Variants in NYAP2 observed in about 807,000 individuals in gnomAD.
The protein encoded by NYAP2 is neuronal tyrosine-phosphorylated phosphoinositide-3-kinase adaptor 2, also known as neuronal tyrosine-phosphorylated phosphoinositide-3-kinase adapter 2.
In NYAP2, 23 loss-of-function variants were observed where a neutral mutation model predicts 50.4. That is an observed-to-expected ratio of 0.46 (90% CI 0.33 to 0.65). NYAP2 has a LOEUF of 0.65. NYAP2 is among the 30% of genes least tolerant of loss of function. The pLI is 0.02. For missense variants in NYAP2, 885 were observed against 861.0 expected, an observed-to-expected ratio of 1.03 and a Z score of -0.35; for synonymous variants, 394 against 365.2, an observed-to-expected ratio of 1.08 and a Z score of -0.90.
chr2:225,590,715 G>A (rs1692485369), intron 5 of NYAP2, among the ~76,000 whole-genome samples: 3 of 152,310 alleles, frequency 2.0e-5, no homozygotes, highest in Non-Finnish European at 1.5e-5. Flanking sequence ...AGTGACTGTT[G>A]TTTTCCTTTC....
intron 3 of NYAP2, among the ~76,000 whole-genome samples, chr2:225,483,243 C>T (rs1349268787): frequency 2.6e-5 from 4 of 152,040 alleles, no homozygotes; most frequent in African/African-American, 9.7e-5. Flanking sequence ...CTAGGGGAAA[C>T]ATTTGAAGGT....
intron 5 of NYAP2, among the ~76,000 whole-genome samples, chr2:225,590,755 T>C (rs968776261): frequency 1.3e-5 from 2 of 152,192 alleles, no homozygotes; most frequent in East Asian, 3.9e-4. Flanking sequence ...AGTGGCAGCT[T>C]GCAACGAGGA....
At chr2:225,579,697 A>G (rs1055326334) in intron 4 of NYAP2, among the ~76,000 whole-genome samples, 6 of 152,166 alleles carry the variant, frequency 3.9e-5, no homozygotes, top group East Asian at 1.9e-4. Flanking sequence ...CCATGCCCAG[A>G]TCTGCCACTG....
chr2:225,583,928 G>T (rs191630607), intron 5 of NYAP2, among the ~76,000 whole-genome samples: 161 of 152,314 alleles, frequency 1.1e-3, no homozygotes, highest in Non-Finnish European at 1.1e-3. Flanking sequence ...TTTAGTCCCA[G>T]CTACGCGGGA....
intron 4 of NYAP2, among the ~76,000 whole-genome samples, chr2:225,553,956 G>T (rs1035704908): frequency 1.3e-5 from 2 of 152,146 alleles, no homozygotes; most frequent in African/African-American, 2.4e-5. Context: ...GGAAGCAGAG[G>T]TTGTAGTGAG....
At chr2:225,601,984 C>T (rs1160592274) in intron 5 of NYAP2, among the ~76,000 whole-genome samples, 1 of 152,128 alleles carries the variant, frequency 6.6e-6, no homozygotes, top group African/African-American at 2.4e-5. Flanking sequence ...TGAGTTATTG[C>T]CATGATTTTT....
Position 225,569,323 on chromosome 2 carries a change from A to G in NYAP2, c.524-12618A>G, listed in dbSNP as rs894565567. Among the ~76,000 whole-genome samples the G allele has an allele frequency of 2.6e-5, 4 of 152,206 alleles. No homozygotes were observed. In the South Asian group the frequency reaches 6.2e-4, roughly 24 times the overall value. ...TTAATGAAAACTCAGGGAAGGTACCAGAGAAAATTGTTTTCTTCTTTGGTA... is the reference window on the plus strand; with the variant it reads ...TTAATGAAAACTCAGGGAAGGTACCGGAGAAAATTGTTTTCTTCTTTGGTA... On this transcript the variant is annotated intron_variant, in intron 4 of 6. Coordinates refer to ENST00000636099, the Ensembl canonical transcript of NYAP2.
chr2:225,482,807 T>A (rs1383569930), intron 3 of NYAP2, among the ~76,000 whole-genome samples: 1 of 151,936 alleles, frequency 6.6e-6, no homozygotes. Flanking sequence ...CCAAACAAAC[T>A]CCTTGGGTAA....
At chr2:225,603,343 G>T (rs1167800531) in intron 5 of NYAP2, among the ~76,000 whole-genome samples, 1 of 152,138 alleles carries the variant, frequency 6.6e-6, no homozygotes, top group African/African-American at 2.4e-5. Flanking sequence ...TTCAAATTAG[G>T]ATCAGAGATA....
Position 225,582,131 on chromosome 2 carries a change from C to T in NYAP2, c.714C>T (p.Pro238=), listed in dbSNP as rs759722204. 23 of 1,613,780 alleles carry T rather than the reference C, an allele frequency of 1.4e-5. No individual in the cohort carries two copies. The highest frequency in any genetic ancestry group is 7.7e-5 in the South Asian group (7 of 91,084). Residue 238 remains proline, a synonymous_variant, in exon 5 of 7, where the codon CCC becomes CCT. Transcript: ENST00000636099. This position sits in a 1 kb window ranked among gnomAD's most constrained non-coding sequence, Gnocchi z 7.0. ...AGATGGGCAGCCCCGCGGGAGACCC[C>T]GAGGAAGAGGAGCCCGTGTACATCG...
chr2:225,679,725 C>T, the NYAP2 span, among the ~76,000 whole-genome samples: 1 of 151,974 alleles, frequency 6.6e-6, no homozygotes, highest in Non-Finnish European at 1.5e-5. Flanking sequence ...GATCTCCTGA[C>T]CTTGTGATCT....
At chr2:225,602,559 T>G (rs183751962) in intron 5 of NYAP2, among the ~76,000 whole-genome samples, 9 of 152,318 alleles carry the variant, frequency 5.9e-5, no homozygotes, top group Admixed American at 2.0e-4. Context: ...TCATGAATAT[T>G]TTCCCCTGCA....
At chr2:225,549,128 A>T (rs879488456) in intron 4 of NYAP2, among the ~76,000 whole-genome samples, 9 of 152,090 alleles carry the variant, frequency 5.9e-5, no homozygotes, top group Admixed American at 5.2e-4. Flanking sequence ...TGATCCATCC[A>T]CTTGGGCCTC....
chr2:225,426,863 C>A (rs2106130826), intron 3 of NYAP2, among the ~76,000 whole-genome samples: 1 of 152,210 alleles, frequency 6.6e-6, no homozygotes, highest in Non-Finnish European at 1.5e-5. Flanking sequence ...TAAAGAGTGG[C>A]CCTGAGCCGG....
At chr2:225,699,742 T>C in the NYAP2 span, 1 of 151,962 alleles carries the variant, frequency 6.6e-6, no homozygotes, top group East Asian at 1.9e-4. Context: ...TTCATTTTGT[T>C]TCAAGAAAGA....
intron 4 of NYAP2, among the ~76,000 whole-genome samples, chr2:225,533,978 A>G (rs953792911): frequency 1.3e-5 from 2 of 152,240 alleles, no homozygotes; most frequent in African/African-American, 4.8e-5. Flanking sequence ...TTTACATTTC[A>G]GTATCTGTGA....
intron 3 of NYAP2, among the ~76,000 whole-genome samples, chr2:225,511,327 A>AAC (rs571887973): frequency 0.044 from 5,752 of 129,708 alleles, 109 homozygotes; most frequent in African/African-American, 0.057. Flanking sequence ...CGTTCTTTAA[A>AAC]ACACACACAC....
chr2:225,505,582 G>A (rs1009158805), intron 3 of NYAP2, among the ~76,000 whole-genome samples: 7 of 152,138 alleles, frequency 4.6e-5, no homozygotes, highest in Non-Finnish European at 8.8e-5. Context: ...TAATAAAGCT[G>A]CATGCATTTG....
the NYAP2 span, among the ~76,000 whole-genome samples, chr2:225,679,560 T>C: frequency 7.0e-6 from 1 of 143,682 alleles, no homozygotes; most frequent in Non-Finnish European, 1.5e-5. Context: ...AGTGGTGTGA[T>C]CTCAGCTCAC....
Sources: allele counts gnomAD v4.1 joint callset (sites outside exome capture counted in the v4.1 genomes callset), GRCh38; gene constraint gnomAD v4.1.1; non-coding constraint Gnocchi (gnomAD v3.1); transcripts MANE v1.5; gene names NCBI Gene and HGNC (gene_info 2026-07-23, HGNC 2026-07-21).